CPA6: variants seen among roughly 807,000 people sequenced by gnomAD.
The protein encoded by CPA6 is carboxypeptidase A6.
CPA6 carries 58 observed loss-of-function variants against 63.3 expected under a neutral mutation model. That is an observed-to-expected ratio of 0.92 (90% confidence interval 0.74 to 1.14). The LOEUF (loss-of-function observed/expected upper bound fraction) is 1.14, where lower values mean the gene tolerates loss of function less well. CPA6 is among the 50% of genes most tolerant of loss of function. The pLI is 0.00. For synonymous variants in CPA6, 185 were observed against 179.0 expected, an observed-to-expected ratio of 1.03 and a Z score of -0.27; for missense variants, 565 against 526.6, an observed-to-expected ratio of 1.07 and a Z score of -0.71.
At chr8:67,422,764 A>G in intron 10 of CPA6, 73 bp from the exon 11 acceptor site, 1 of 1,100,192 alleles carries the variant, frequency 9.1e-7, no homozygotes, top group Non-Finnish European at 1.3e-6. Flanking sequence ...TGTATATACT[A>G]TAAAGTATCC....
intron 2 of CPA6, among the ~76,000 whole-genome samples, chr8:67,560,178 T>TATATATATATA (rs1564000623): frequency 6.0e-5 from 9 of 150,340 alleles, no homozygotes; most frequent in African/African-American, 7.4e-5. Context: ...TATATATATA[T>TATATATATATA]TCCAGATGTA....
intron 2 of CPA6, among the ~76,000 whole-genome samples, chr8:67,552,539 C>T (rs1812963775): frequency 6.6e-6 from 1 of 151,886 alleles, no homozygotes; most frequent in Admixed American, 6.6e-5. Context: ...TTTGGGAGGC[C>T]AAGGCGGGCG....
intron 1 of CPA6, among the ~76,000 whole-genome samples, chr8:67,706,370 CAAAAGT>C (rs1399131353): frequency 2.0e-5 from 3 of 152,040 alleles, no homozygotes; most frequent in Admixed American, 2.0e-4. Context: ...GGTTTTTCAC[CAAAAGT>C]AAAAGTTGCT....
At chr8:67,727,679 T>C (rs13252506) in intron 1 of CPA6, among the ~76,000 whole-genome samples, 109,966 of 152,140 alleles carry the variant, frequency 0.72, 41,397 homozygotes, top group Admixed American at 0.82. Context: ...GGAGACTTTA[T>C]CTGCATAATA....
chr8:67,451,233 G>A (rs1810550672), intron 8 of CPA6, among the ~76,000 whole-genome samples: 1 of 152,174 alleles, frequency 6.6e-6, no homozygotes, highest in Non-Finnish European at 1.5e-5. Context: ...ATGTGAGCAA[G>A]CAAAGCTTCA....
chr8:67,669,423 C>T (rs1418292508), intron 1 of CPA6, among the ~76,000 whole-genome samples: 2 of 152,206 alleles, frequency 1.3e-5, no homozygotes, highest in Admixed American at 1.3e-4. Context: ...TCAAATTATA[C>T]ATGCTCACCC....
chr8:67,486,991 A>T (rs752062771), intron 6 of CPA6, among the ~76,000 whole-genome samples: 5 of 151,772 alleles, frequency 3.3e-5, no homozygotes, highest in Non-Finnish European at 5.9e-5. Flanking sequence ...TCAGCCTCCC[A>T]AGTAGCTGGG....
chr8:67,607,890 A>C (rs1403788018), intron 2 of CPA6, among the ~76,000 whole-genome samples: 2 of 152,254 alleles, frequency 1.3e-5, no homozygotes, highest in African/African-American at 4.8e-5. Flanking sequence ...GCTCAAAAAC[A>C]ATATAATGAC....
chr8:67,679,700 G>A (rs1816552375), intron 1 of CPA6, among the ~76,000 whole-genome samples: 1 of 152,102 alleles, frequency 6.6e-6, no homozygotes, highest in Non-Finnish European at 1.5e-5. Context: ...GGAACTGCTT[G>A]GCCACAACAC....
intron 10 of CPA6, among the ~76,000 whole-genome samples, chr8:67,425,899 CTT>C (rs910164836): frequency 1.5e-4 from 21 of 137,982 alleles, no homozygotes; most frequent in Non-Finnish European, 1.9e-4. Context: ...TTTTTCTTTT[CTT>C]TTTTTTTTTT....
intron 2 of CPA6, among the ~76,000 whole-genome samples, chr8:67,526,833 C>T (rs1318281321): frequency 6.6e-6 from 1 of 152,110 alleles, no homozygotes; most frequent in Non-Finnish European, 1.5e-5. Flanking sequence ...CACCTTAGTT[C>T]CTGCCCTCTG....
At chr8:67,653,551 A>G (rs1328290811) in intron 1 of CPA6, among the ~76,000 whole-genome samples, 2 of 151,510 alleles carry the variant, frequency 1.3e-5, no homozygotes, top group Non-Finnish European at 1.5e-5. Flanking sequence ...TTTGTCTGTT[A>G]TTGGTGTATA....
At chr8:67,654,047 C>T (rs1169000179) in intron 1 of CPA6, among the ~76,000 whole-genome samples, 4 of 152,018 alleles carry the variant, frequency 2.6e-5, no homozygotes, top group Non-Finnish European at 5.9e-5. Flanking sequence ...ATTACATTTA[C>T]TGATTTGCAT....
intron 1 of CPA6, among the ~76,000 whole-genome samples, chr8:67,629,355 C>G (rs1240263587): frequency 6.6e-6 from 1 of 151,222 alleles, no homozygotes; most frequent in Admixed American, 6.6e-5. Flanking sequence ...ATGGCACATA[C>G]ATATAGTCCC....
chr8:67,736,305 T>A (rs970056489), intron 1 of CPA6, among the ~76,000 whole-genome samples: 1 of 152,142 alleles, frequency 6.6e-6, no homozygotes, highest in Admixed American at 6.5e-5. Context: ...CTCCCCACAT[T>A]GCCCTCACCC....
At chr8:67,714,165 T>C (rs1206928317) in intron 1 of CPA6, among the ~76,000 whole-genome samples, 2 of 152,206 alleles carry the variant, frequency 1.3e-5, no homozygotes, top group Middle Eastern at 3.2e-3. Context: ...AACAAATATA[T>C]TATGGGGTAC....
intron 1 of CPA6, among the ~76,000 whole-genome samples, chr8:67,722,203 T>A (rs1334625320): frequency 2.0e-5 from 3 of 152,222 alleles, no homozygotes; most frequent in African/African-American, 4.8e-5. Context: ...AACATTGCTA[T>A]CACTGCCTAT....
intron 8 of CPA6, among the ~76,000 whole-genome samples, chr8:67,444,230 T>C (rs1810362985): frequency 6.6e-6 from 1 of 151,878 alleles, no homozygotes; most frequent in South Asian, 2.1e-4. Flanking sequence ...CCTCGTGATC[T>C]GCCCGCCTCG....
chr8:67,582,072 T>A (rs1007550656), intron 2 of CPA6, among the ~76,000 whole-genome samples: 1 of 152,100 alleles, frequency 6.6e-6, no homozygotes, highest in Non-Finnish European at 1.5e-5. Context: ...AGTTATTTTG[T>A]CAGGGTCTGA....
Sources: gnomAD v4.1 joint callset for allele counts (sites outside exome capture counted in the v4.1 genomes callset) on GRCh38, gnomAD v4.1.1 for gene constraint, MANE v1.5 for transcripts, NCBI Gene and HGNC (gene_info 2026-07-23, HGNC 2026-07-21) for gene names.